UBE2E2: variants seen among roughly 807,000 people sequenced by gnomAD.
UBE2E2 encodes the protein ubiquitin conjugating enzyme E2 E2.
UBE2E2 carries 6 observed loss-of-function variants against 24.7 expected under a neutral mutation model. The ratio of observed to expected loss-of-function variants is 0.24; its 90% CI spans 0.13 to 0.48. The LOEUF is 0.48. Ranked by LOEUF, UBE2E2 falls within the 20% of genes least tolerant of loss-of-function variation. UBE2E2 has a pLI of 0.99. For synonymous variants in UBE2E2, 104 were observed against 83.6 expected (o/e 1.24, Z -1.33); for missense variants, 169 against 245.0 (o/e 0.69, Z 2.07).
At chr3:23,312,474 G>A (rs1284819208) in intron 3 of UBE2E2, among the ~76,000 whole-genome samples, 2 of 151,436 alleles carry the variant, frequency 1.3e-5, no homozygotes, top group Non-Finnish European at 2.9e-5. Context: ...TCAAATACTG[G>A]ATTTTTTTTT....
At chr3:23,301,474 T>C (rs924737974) in intron 3 of UBE2E2, among the ~76,000 whole-genome samples, 16 of 152,234 alleles carry the variant, frequency 1.1e-4, no homozygotes, top group African/African-American at 3.9e-4. Context: ...TGGATGTCCT[T>C]TCTGTTTGTT....
chr3:23,471,823 T>C (rs1225354279), intron 3 of UBE2E2, among the ~76,000 whole-genome samples: 4 of 152,016 alleles, frequency 2.6e-5, no homozygotes, highest in Non-Finnish European at 4.4e-5. Flanking sequence ...TCCCACAAAG[T>C]GGGAGACCAC....
intron 3 of UBE2E2, among the ~76,000 whole-genome samples, chr3:23,333,020 G>A (rs1015463653): frequency 2.0e-5 from 3 of 152,144 alleles, no homozygotes; most frequent in African/African-American, 7.2e-5. Context: ...ACTAGGAAAA[G>A]TATGACATTG....
intron 3 of UBE2E2, among the ~76,000 whole-genome samples, chr3:23,318,343 T>C (rs1033001476): frequency 6.6e-6 from 1 of 152,116 alleles, no homozygotes; most frequent in African/African-American, 2.4e-5. Flanking sequence ...TGGAAGCCAA[T>C]AGCAAATCAG....
intron 3 of UBE2E2, among the ~76,000 whole-genome samples, chr3:23,323,991 T>G (rs929285745): frequency 6.6e-6 from 1 of 152,152 alleles, no homozygotes; most frequent in Non-Finnish European, 1.5e-5. Context: ...TTAAAGTAAA[T>G]GAATGAACAA....
chr3:23,347,796 A>G (rs1055277204), intron 3 of UBE2E2, among the ~76,000 whole-genome samples: 8 of 152,116 alleles, frequency 5.3e-5, no homozygotes, highest in African/African-American at 1.2e-4. Context: ...CTGTGTCTCA[A>G]TTTGTCATTA....
At chr3:23,529,323 T>C in intron 4 of UBE2E2, among the ~76,000 whole-genome samples, 1 of 152,254 alleles carries the variant, frequency 6.6e-6, no homozygotes, top group South Asian at 2.1e-4. Flanking sequence ...GTCAGTGGAC[T>C]GTATTAATGT....
At chr3:23,213,451 T>C (rs1465120081) in intron 2 of UBE2E2, among the ~76,000 whole-genome samples, 2 of 152,074 alleles carry the variant, frequency 1.3e-5, no homozygotes, top group African/African-American at 4.8e-5. Flanking sequence ...ACAGCATTCT[T>C]ATTGTAGTCT....
intron 3 of UBE2E2, among the ~76,000 whole-genome samples, chr3:23,439,001 G>T (rs1294875042): frequency 6.6e-6 from 1 of 152,128 alleles, no homozygotes; most frequent in African/African-American, 2.4e-5. Context: ...TTTAAGGAAG[G>T]CATGAATATT....
intron 5 of UBE2E2, among the ~76,000 whole-genome samples, chr3:23,577,330 TAAA>T (rs111540597): frequency 5.2e-4 from 75 of 143,964 alleles, no homozygotes; most frequent in Admixed American, 7.0e-4. Context: ...AGGAATGATT[TAAA>T]AAAAAAAAAA....
chr3:23,281,024 C>T (rs900835501), intron 3 of UBE2E2, among the ~76,000 whole-genome samples: 2 of 152,156 alleles, frequency 1.3e-5, no homozygotes, highest in Non-Finnish European at 2.9e-5. Flanking sequence ...GAAAGAAAGA[C>T]CTTGTGTCTC....
chr3:23,338,408 A>ATGG (rs2125307667), intron 3 of UBE2E2, among the ~76,000 whole-genome samples: 1 of 152,300 alleles, frequency 6.6e-6, no homozygotes, highest in East Asian at 1.9e-4. Flanking sequence ...GTATGAATGA[A>ATGG]TGGAGATAAA....
chr3:23,469,509 A>G (rs963763009), intron 3 of UBE2E2, among the ~76,000 whole-genome samples: 3 of 152,194 alleles, frequency 2.0e-5, no homozygotes, highest in Admixed American at 6.5e-5. Flanking sequence ...GTGGATATCT[A>G]TGGCATCTTC....
intron 5 of UBE2E2, among the ~76,000 whole-genome samples, chr3:23,564,126 A>G (rs1262549155): frequency 6.6e-6 from 1 of 152,150 alleles, no homozygotes; most frequent in Non-Finnish European, 1.5e-5. Context: ...TACACGTACA[A>G]ATGATACCTG....
At chr3:23,522,373 C>G (rs923022861) in intron 4 of UBE2E2, among the ~76,000 whole-genome samples, 5 of 152,192 alleles carry the variant, frequency 3.3e-5, no homozygotes, top group Non-Finnish European at 7.3e-5. Context: ...CTCAGGTGAT[C>G]TGCCCGCCTC....
At position 23,589,848 on chromosome 3, in the gene UBE2E2, G is replaced by A. The variant is rs376499874; in HGVS notation, c.*17G>A. ...GCCACATAGGGGCCTGCTGCCTGCCGCCCCGCGGGACCTGTGCAAGCACAT... is the reference window on the plus strand; with the variant it reads ...GCCACATAGGGGCCTGCTGCCTGCCACCCCGCGGGACCTGTGCAAGCACAT... On this transcript the variant is annotated 3_prime_UTR_variant, in exon 6 of 6. Transcript: ENST00000396703. The surrounding 1 kb of genome is among the most constrained non-coding windows in gnomAD (Gnocchi z 4.1). The A allele has an allele frequency of 6.3e-5, 102 of 1,613,500 alleles. No individual in the cohort carries two copies. The highest frequency in any genetic ancestry group is 2.7e-4 in the South Asian group (25 of 91,018).
intron 3 of UBE2E2, among the ~76,000 whole-genome samples, chr3:23,475,474 A>G (rs1422117316): frequency 6.6e-6 from 1 of 151,982 alleles, no homozygotes; most frequent in Admixed American, 6.5e-5. Context: ...CAGTCACTAT[A>G]AAGCCCTGTA....
Position 23,394,264 on chromosome 3 carries a change from T to C in UBE2E2, c.228-105344T>C, listed in dbSNP as rs796678973. Among the ~76,000 whole-genome samples, 6 of 152,170 alleles carry C rather than the reference T, an allele frequency of 3.9e-5. No homozygotes were observed. The East Asian group carries it at 7.7e-4, about 20-fold the overall frequency. ...ACAAGTTTTGGAGAGAGAGTTTTTATGAAAATGGATCAATATTTATTTTAT... is the reference window on the plus strand; with the variant it reads ...ACAAGTTTTGGAGAGAGAGTTTTTACGAAAATGGATCAATATTTATTTTAT... On this transcript the variant is annotated intron_variant, in intron 3 of 5. Coordinates refer to ENST00000396703, the MANE Select transcript of UBE2E2 (RefSeq NM_152653.4).
At chr3:23,387,621 C>T (rs1696832388) in intron 3 of UBE2E2, among the ~76,000 whole-genome samples, 1 of 152,150 alleles carries the variant, frequency 6.6e-6, no homozygotes, top group Non-Finnish European at 1.5e-5. Context: ...TCATGTTTCT[C>T]TCTTTCTTTA....
Sources: allele counts gnomAD v4.1 joint callset (sites outside exome capture counted in the v4.1 genomes callset), GRCh38; gene constraint gnomAD v4.1.1; non-coding constraint Gnocchi (gnomAD v3.1); transcripts MANE v1.5; gene names NCBI Gene and HGNC (gene_info 2026-07-23, HGNC 2026-07-21).